Variants in RASGRP3 observed in about 807,000 individuals in gnomAD.
RASGRP3 encodes RAS guanyl releasing protein 3, also known as ras guanyl-releasing protein 3.
In RASGRP3, 54 loss-of-function variants were observed where a neutral mutation model predicts 82.7. The ratio of observed to expected loss-of-function variants is 0.65; its 90% CI spans 0.52 to 0.82. The LOEUF (loss-of-function observed/expected upper bound fraction) is 0.82, where lower values mean the gene tolerates loss of function less well. Ranked by LOEUF, RASGRP3 falls within the 40% of genes least tolerant of loss-of-function variation. The pLI is 0.00. For synonymous variants in RASGRP3, 309 were observed against 300.5 expected (o/e 1.03, Z -0.29); for missense variants, 861 against 828.9 (o/e 1.04, Z -0.48).
intron 17 of RASGRP3, among the ~76,000 whole-genome samples, chr2:33,561,608 T>C (rs909835500): frequency 2.6e-5 from 4 of 152,040 alleles, no homozygotes; most frequent in Non-Finnish European, 5.9e-5. Flanking sequence ...AGTTTGCAAA[T>C]TTAAGATTTT....
At chr2:33,515,838 A>G (rs915528596) in intron 3 of RASGRP3, among the ~76,000 whole-genome samples, 2 of 152,228 alleles carry the variant, frequency 1.3e-5, no homozygotes, top group African/African-American at 4.8e-5. Context: ...TATTAAATTG[A>G]TTACTATAGA....
intron 2 of RASGRP3, among the ~76,000 whole-genome samples, chr2:33,449,882 T>C (rs1013699874): frequency 6.6e-6 from 1 of 152,234 alleles, no homozygotes; most frequent in Non-Finnish European, 1.5e-5. Context: ...TTTTATTACT[T>C]ATTTCTGTGT....
At chr2:33,559,540 G>T (rs1676411662) in intron 17 of RASGRP3, 1 of 503,070 alleles carries the variant, frequency 2.0e-6, no homozygotes, top group Non-Finnish European at 4.0e-6. Flanking sequence ...TCTAAACCAG[G>T]CTCTGCCTCC....
intron 2 of RASGRP3, among the ~76,000 whole-genome samples, chr2:33,468,928 A>C (rs935267440): frequency 2.0e-5 from 3 of 152,224 alleles, no homozygotes; most frequent in Non-Finnish European, 4.4e-5. Flanking sequence ...TTTGACATAC[A>C]TTACAAAATT....
At chr2:33,522,605 G>C (rs1672143928) in intron 7 of RASGRP3, among the ~76,000 whole-genome samples, 2 of 152,144 alleles carry the variant, frequency 1.3e-5, no homozygotes, top group Admixed American at 1.3e-4. Context: ...TACTCATCTT[G>C]ATGGAGCCTC....
Position 33,520,649 on chromosome 2 carries a change from T to C in RASGRP3, c.333T>C (p.Tyr111=), listed in dbSNP as rs1456978784. The C allele has an allele frequency of 1.2e-6, 2 of 1,614,008 alleles. No homozygotes were observed. Among genetic ancestry groups the C allele is most frequent in the Non-Finnish European group, 1.7e-6 (2 of 1,179,870 alleles). Residue 111 remains tyrosine (Y), a synonymous_variant, in exon 6 of 18, where the codon TAT becomes TAC. Transcript: ENST00000403687. ...EFREVASQLG[Y]EKHVSLIDIS... ...GGGAAGTAGCTAGTCAACTAGGATA[T>C]GAAAAACACGTCAGCCTCATCGACA...
At chr2:33,467,944 A>G (rs1666795955) in intron 2 of RASGRP3, among the ~76,000 whole-genome samples, 2 of 151,948 alleles carry the variant, frequency 1.3e-5, no homozygotes, top group South Asian at 4.1e-4. Context: ...AAGACTTGGG[A>G]AAAAGTGACT....
chr2:33,539,497 T>TG, intron 12 of RASGRP3: 1 of 251,942 alleles, frequency 4.0e-6, no homozygotes, highest in Non-Finnish European at 7.5e-6. Flanking sequence ...GCTCAAGGGA[T>TG]TGGGGATTAG....
chr2:33,469,131 G>A (rs1051327588), intron 2 of RASGRP3, among the ~76,000 whole-genome samples: 61 of 150,868 alleles, frequency 4.0e-4, no homozygotes, highest in African/African-American at 1.3e-3. Flanking sequence ...GTGTAGATTG[G>A]TCATTTATGT....
chr2:33,531,009 G>A (rs1355171419), intron 10 of RASGRP3: 4 of 152,136 alleles, frequency 2.6e-5, no homozygotes, highest in Non-Finnish European at 5.9e-5. Context: ...ACCATTTTGA[G>A]TACATGCAAA....
chr2:33,529,239 A>G (rs1206668830), intron 10 of RASGRP3, among the ~76,000 whole-genome samples: 2 of 152,240 alleles, frequency 1.3e-5, no homozygotes, highest in Admixed American at 6.5e-5. Flanking sequence ...TCAAGCCTGT[A>G]ATTCCAGCAC....
chr2:33,466,373 G>C (rs946070243), intron 2 of RASGRP3, among the ~76,000 whole-genome samples: 2 of 152,160 alleles, frequency 1.3e-5, no homozygotes, highest in African/African-American at 4.8e-5. Flanking sequence ...ACGACTTTGA[G>C]GGGTTTAAGA....
chr2:33,475,733 G>A (rs1208875533), upstream of RASGRP3, among the ~76,000 whole-genome samples: 1 of 152,200 alleles, frequency 6.6e-6, no homozygotes, highest in East Asian at 1.9e-4. Context: ...GGGAACATCA[G>A]CTCAGGTGAG....
At position 33,523,744 on chromosome 2, in the gene RASGRP3, A is replaced by T. The variant is rs895145023; in HGVS notation, c.517-135A>T. The T allele has an allele frequency of 3.5e-5, 33 of 946,926 alleles. No individual in the cohort carries two copies. In the African/African-American group the frequency reaches 5.1e-4, roughly 15 times the overall value. The allele number at this position is 946,926 out of a possible 1,614,324, so 58.7% of individuals were successfully genotyped here. A position where few individuals can be genotyped will look rare whatever the true frequency, so the allele number is the denominator to read the frequency against. On this transcript the variant is annotated intron_variant, in intron 7 of 17. Coordinates refer to ENST00000403687, the MANE Select transcript of RASGRP3 (RefSeq NM_001139488.2). ...ACACATGTATATTCAAACTTTTAGG[A>T]TGCCATTGTAAATGTGAAATAAAAG...
chr2:33,453,288 T>A (rs576580611), intron 2 of RASGRP3, among the ~76,000 whole-genome samples: 2 of 152,330 alleles, frequency 1.3e-5, no homozygotes, highest in African/African-American at 4.8e-5. Flanking sequence ...TGAAACCCCA[T>A]TAAGATGAGA....
At chr2:33,514,005 A>T (rs559910990) in intron 2 of RASGRP3, 51 of 152,308 alleles carry the variant, frequency 3.3e-4, no homozygotes, top group African/African-American at 1.2e-3. Flanking sequence ...GGCCTTAATA[A>T]TTGCATGGTT....
chr2:33,546,018 C>T (rs1267645272), intron 13 of RASGRP3, among the ~76,000 whole-genome samples: 2 of 151,878 alleles, frequency 1.3e-5, no homozygotes, highest in African/African-American at 4.8e-5. Flanking sequence ...TCATGTTGGC[C>T]AGGCTGTTCT....
At chr2:33,555,409 T>C (rs761516655) in intron 14 of RASGRP3, 122 bp from the exon 15 acceptor site, 1 of 679,944 alleles carries the variant, frequency 1.5e-6, no homozygotes, top group African/African-American at 1.9e-5. Context: ...GTGTTAAAAG[T>C]GGCTACATCC....
At chr2:33,499,579 C>G (rs1669662574) in intron 1 of RASGRP3, among the ~76,000 whole-genome samples, 3 of 152,064 alleles carry the variant, frequency 2.0e-5, no homozygotes, top group African/African-American at 7.2e-5. Context: ...AAAACCAAAA[C>G]CAGTTTTTGG....
Sources: gnomAD v4.1 joint callset for allele counts (sites outside exome capture counted in the v4.1 genomes callset) on GRCh38, gnomAD v4.1.1 for gene constraint, MANE v1.5 for transcripts, NCBI Gene and HGNC (gene_info 2026-07-23, HGNC 2026-07-21) for gene names.